Variants in IL17REL observed in about 807,000 individuals in gnomAD.
The protein encoded by IL17REL is interleukin-17 receptor E-like protein.
Under a neutral mutation model 49.0 loss-of-function variants are expected in IL17REL, and 36 were observed. The observed-to-expected ratio is 0.73, with a 90% CI of 0.56 to 0.97. The LOEUF (loss-of-function observed/expected upper bound fraction) is 0.97, where lower values mean the gene tolerates loss of function less well. IL17REL is among the 50% of genes least tolerant of loss of function. The probability of loss-of-function intolerance (pLI) is 0.00; values close to 1 mark genes in which losing one functional copy is unlikely to be tolerated. For synonymous variants in IL17REL, 206 were observed against 192.4 expected (o/e 1.07, Z -0.58); for missense variants, 470 against 453.9 (o/e 1.04, Z -0.32).
chr22:49,994,930 AGCAGGTGGCCCCCAG>A (rs760072302), exon 13 of IL17REL: 3 of 152,402 alleles, frequency 2.0e-5, no homozygotes, highest in Non-Finnish European at 4.4e-5. Flanking sequence ...CGCACATCCC[AGCAGGTGGCCCCCAG>A]GCAGGTGGCC....
rs1198470934 is a variant in IL17REL at position 49,998,010 on chromosome 22, G to A, written c.819+15C>T. The stretch of plus-strand genomic sequence containing the variant: ...TCCCCAAATAGGGCACTGGCAGGCT[G>A]TGGCAGCCCCTCACCTTCAGGCAGA... On this transcript the variant is annotated intron_variant, in intron 9 of 12. Coordinates refer to ENST00000341280, the Ensembl canonical transcript of IL17REL. The A allele has an allele frequency of 4.4e-6, 7 of 1,595,708 alleles. No individual in the cohort carries two copies. Among genetic ancestry groups the A allele is most frequent in the East Asian group, 2.2e-5 (1 of 44,842 alleles).
chr22:49,997,243 C>A, intron 11 of IL17REL, 77 bp downstream of exon 13: 1 of 1,497,294 alleles, frequency 6.7e-7, no homozygotes, highest in Non-Finnish European at 9.2e-7. Flanking sequence ...GGGGCAGAGA[C>A]CACCACAGGG....
At position 49,997,383 on chromosome 22, in the gene IL17REL, C is replaced by T. The variant is rs1044083555; in HGVS notation, c.911G>A (p.Gly304Glu). The T allele has an allele frequency of 6.2e-6, 10 of 1,613,838 alleles. No individual in the cohort carries two copies. Among genetic ancestry groups the T allele is most frequent in the South Asian group, 5.5e-5 (5 of 91,052 alleles). Residue 304 changes from glycine (G) to glutamate (E), a missense_variant, in exon 11 of 13, where the codon GGA becomes GAA. Coordinates refer to ENST00000341280, the Ensembl canonical transcript of IL17REL. ...GGCAGGCAGGGAGCTGTGACTTCCT[C>T]CTGTGACACAGGTGCACCTGGAAGT...
At chr22:49,999,323 G>A in exon 7 of IL17REL, 3 of 1,613,010 alleles carry the variant, frequency 1.9e-6, no homozygotes, top group Non-Finnish European at 2.5e-6. Flanking sequence ...GATCCGCACC[G>A]CGTCAGGGGT....
exon 13 of IL17REL, chr22:49,996,814 T>C (rs2061037523): frequency 3.9e-6 from 2 of 515,382 alleles, no homozygotes; most frequent in Non-Finnish European, 6.8e-6. Flanking sequence ...GGAGCGGAGG[T>C]TGCAGAGCTG....
upstream of IL17REL, among the ~76,000 whole-genome samples, chr22:50,010,581 T>A (rs1474126661): frequency 6.6e-6 from 1 of 152,126 alleles, no homozygotes; most frequent in Non-Finnish European, 1.5e-5. Context: ...AGAGAAAGAA[T>A]CCCCGCTGGG....
At chr22:49,999,317 C>G (rs1021422002) in exon 7 of IL17REL, 2 of 1,613,018 alleles carry the variant, frequency 1.2e-6, no homozygotes, top group East Asian at 2.2e-5. Context: ...GATCTGGATC[C>G]GCACCGCGTC....
chr22:49,994,629 G>A (rs1425195782), exon 13 of IL17REL: 1 of 152,378 alleles, frequency 6.6e-6, no homozygotes, highest in Non-Finnish European at 1.5e-5. Context: ...GGGAAAAGAA[G>A]GCCCAGCGGC....
exon 7 of IL17REL, chr22:49,999,345 C>A (rs557149104): frequency 1.2e-6 from 2 of 1,612,982 alleles, no homozygotes; most frequent in South Asian, 1.1e-5. Context: ...GCAGACCAGC[C>A]CTGTGGGAGG....
downstream of IL17REL, among the ~76,000 whole-genome samples, chr22:49,994,296 G>A (rs2061020707): frequency 8.5e-6 from 1 of 118,266 alleles, no homozygotes; most frequent in African/African-American, 3.4e-5. Context: ...GGATGGGGAT[G>A]TCTGGTCACA....
chr22:50,000,791 A>G, exon 3 of IL17REL: 1 of 1,599,658 alleles, frequency 6.3e-7, no homozygotes, highest in Non-Finnish European at 8.5e-7. Context: ...GGCCCTGGCC[A>G]CCCACACGCT....
At chr22:50,008,306 G>T (rs541122437) in intron 1 of IL17REL, among the ~76,000 whole-genome samples, 1 of 152,346 alleles carries the variant, frequency 6.6e-6, no homozygotes, top group South Asian at 2.1e-4. Flanking sequence ...ACTTTACACA[G>T]GGAAAAAGCT....
chr22:49,996,883 T>C, intron 12 of IL17REL, 23 bp from the exon 15 acceptor site: 1 of 619,800 alleles, frequency 1.6e-6, no homozygotes, highest in Non-Finnish European at 2.8e-6. Context: ...GGCAGCTCCG[T>C]CAACATGGCC....
At chr22:49,999,174 A>G in intron 7 of IL17REL, 117 bp downstream of exon 9, 3 of 1,253,302 alleles carry the variant, frequency 2.4e-6, no homozygotes, top group Non-Finnish European at 3.5e-6. Flanking sequence ...GAGCAGGCTC[A>G]GGGATTTAGG....
In IL17REL at chr22:49,999,318, G is replaced by C. The variant is rs143798666; in HGVS notation, c.574C>G (p.Arg192Gly). 138 of 1,612,990 alleles carry C rather than the reference G, an allele frequency of 8.6e-5. No individual in the cohort carries two copies. Among genetic ancestry groups the C allele is most frequent in the Non-Finnish European group, 1.1e-4 (133 of 1,180,004 alleles). ...TTTTCAAAGGGGCAGATCTGGATCC[G>C]CACCGCGTCAGGGGTCGCAGACCAG... Residue 192 changes from arginine (R) to glycine (G), a missense_variant, in exon 7 of 13, where the codon CGG (arginine) becomes GGG (glycine). By Grantham distance (125) the Arg-to-Gly change is moderately radical. Transcript: ENST00000341280.
intron 7 of IL17REL, 84 bp downstream of exon 9, chr22:49,999,207 C>A (rs1487607674): frequency 6.0e-6 from 9 of 1,504,722 alleles, no homozygotes. Flanking sequence ...CTTATCTCAT[C>A]CCCCCACGTC....
chr22:50,000,200 G>T (rs2061069672), intron 4 of IL17REL, among the ~76,000 whole-genome samples: 1 of 152,240 alleles, frequency 6.6e-6, no homozygotes, highest in African/African-American at 2.4e-5. Flanking sequence ...ACTCACCGAG[G>T]CAGTCGGGCA....
intron 1 of IL17REL, among the ~76,000 whole-genome samples, chr22:50,007,137 C>T (rs566402624): frequency 6.6e-6 from 1 of 152,182 alleles, no homozygotes; most frequent in South Asian, 2.1e-4. Context: ...ATCCAATAAA[C>T]TTAATACTGA....
intron 1 of IL17REL, among the ~76,000 whole-genome samples, chr22:50,008,028 C>G (rs2061119368): frequency 6.6e-6 from 1 of 151,844 alleles, no homozygotes; most frequent in African/African-American, 2.4e-5. Context: ...CGCTTGAGCC[C>G]AGGAGTTTGA....
Sources: gnomAD v4.1 joint callset for allele counts (sites outside exome capture counted in the v4.1 genomes callset) on GRCh38, gnomAD v4.1.1 for gene constraint, MANE v1.5 for transcripts, NCBI Gene and HGNC (gene_info 2026-07-23, HGNC 2026-07-21) for gene names.